Variants in STK3 observed in about 807,000 individuals in gnomAD.
STK3 encodes serine/threonine kinase 3, also known as serine/threonine-protein kinase 3.
A neutral mutation model predicts 58.0 loss-of-function variants in STK3; 41 were observed. The observed-to-expected ratio is 0.71, with a 90% CI of 0.55 to 0.92. STK3 has a LOEUF of 0.92. Among genes scored for constraint, STK3 ranks in the 40% least tolerant of loss-of-function variants. The pLI, the probability that STK3 is intolerant of heterozygous loss-of-function variation, is 0.00. For missense variants in STK3, 479 were observed against 602.7 expected (o/e 0.79, Z 2.15); for synonymous variants, 170 against 191.0 (o/e 0.89, Z 0.91).
chr8:98,874,810 G>T (rs539034736), intron 3 of STK3, among the ~76,000 whole-genome samples: 27 of 150,210 alleles, frequency 1.8e-4, no homozygotes, highest in African/African-American at 6.1e-4. Context: ...TTTTTTTAAA[G>T]ATGGGGTCTC....
chr8:98,359,533 A>AAAAAAAAAG, the STK3 span, among the ~76,000 whole-genome samples: 3 of 142,394 alleles, frequency 2.1e-5, no homozygotes, highest in African/African-American at 7.9e-5. Flanking sequence ...AAAAAAAAAA[A>AAAAAAAAAG]AAAGAAAGAA....
chr8:98,522,564 T>C (rs569179253), intron 10 of STK3, among the ~76,000 whole-genome samples: 5 of 152,154 alleles, frequency 3.3e-5, no homozygotes. Flanking sequence ...AAAAAATGCA[T>C]AACACAAAAT....
At chr8:98,344,209 C>T in the STK3 span, among the ~76,000 whole-genome samples, 4 of 152,192 alleles carry the variant, frequency 2.6e-5, no homozygotes, top group African/African-American at 9.6e-5. Flanking sequence ...AATTGTTTTG[C>T]AAACTATCAT....
the STK3 span, among the ~76,000 whole-genome samples, chr8:98,362,700 G>A: frequency 9.8e-5 from 15 of 152,300 alleles, no homozygotes; most frequent in African/African-American, 3.6e-4. Context: ...CTGCAGCACA[G>A]GCTTAGAAGC....
At chr8:98,537,560 C>CATAT (rs2131539085) in intron 9 of STK3, among the ~76,000 whole-genome samples, 1 of 152,234 alleles carries the variant, frequency 6.6e-6, no homozygotes, top group African/African-American at 2.4e-5. Context: ...TAACCACTGT[C>CATAT]ATATGTGATG....
At chr8:98,874,486 C>T (rs935922342) in intron 3 of STK3, among the ~76,000 whole-genome samples, 3 of 152,102 alleles carry the variant, frequency 2.0e-5, no homozygotes, top group African/African-American at 7.2e-5. Context: ...TTACGGCAGC[C>T]ACAGGAAACT....
chr8:98,516,477 C>T (rs572499456), intron 10 of STK3, among the ~76,000 whole-genome samples: 26 of 151,972 alleles, frequency 1.7e-4, no homozygotes, highest in Admixed American at 7.2e-4. Context: ...AAGAATATAC[C>T]TCTAATTTTA....
intron 4 of STK3, among the ~76,000 whole-genome samples, chr8:98,740,139 G>A (rs913198090): frequency 1.3e-5 from 2 of 152,200 alleles, no homozygotes; most frequent in African/African-American, 4.8e-5. Flanking sequence ...GAAAGTGACG[G>A]GGAGAATGGA....
downstream of STK3, chr8:98,881,693 AAC>A (rs1837799351): frequency 6.6e-6 from 1 of 152,242 alleles, no homozygotes; most frequent in Admixed American, 6.5e-5. Flanking sequence ...TGCTCTAAAA[AAC>A]AGTCTGTTAA....
At chr8:98,581,138 G>A (rs905370712) in intron 7 of STK3, among the ~76,000 whole-genome samples, 2 of 152,192 alleles carry the variant, frequency 1.3e-5, no homozygotes, top group Non-Finnish European at 2.9e-5. Context: ...ATGCGACTAA[G>A]TGAATGCGGG....
intron 2 of STK3, among the ~76,000 whole-genome samples, chr8:98,436,425 CT>C (rs1818492460): frequency 6.6e-6 from 1 of 152,228 alleles, no homozygotes; most frequent in Non-Finnish European, 1.5e-5. Flanking sequence ...GAATTTCCCA[CT>C]TCACTCCAAA....
the STK3 span, among the ~76,000 whole-genome samples, chr8:98,352,062 G>A: frequency 3.3e-5 from 5 of 151,430 alleles, no homozygotes; most frequent in East Asian, 1.9e-4. Flanking sequence ...GTGTGAATCC[G>A]GGAGATGGAG....
chr8:98,790,121 A>G (rs1400910723), intron 1 of STK3, among the ~76,000 whole-genome samples: 1 of 152,028 alleles, frequency 6.6e-6, no homozygotes, highest in African/African-American at 2.4e-5. Flanking sequence ...TGCCAATCCT[A>G]CTGAAACTAT....
At chr8:98,361,298 A>G in the STK3 span, among the ~76,000 whole-genome samples, 2 of 152,190 alleles carry the variant, frequency 1.3e-5, no homozygotes, top group Non-Finnish European at 2.9e-5. Flanking sequence ...AGCTGCAGAA[A>G]AAAAAATGCA....
At chr8:98,760,545 A>G (rs1830554524) in intron 3 of STK3, among the ~76,000 whole-genome samples, 1 of 152,236 alleles carries the variant, frequency 6.6e-6, no homozygotes, top group African/African-American at 2.4e-5. Context: ...ACCAGGAAGC[A>G]GAGGTGAAAT....
Position 98,593,174 on chromosome 8 carries a change from C to T in STK3, c.822+2858G>A, listed in dbSNP as rs117212580. Among the ~76,000 whole-genome samples the T allele has an allele frequency of 4.0e-3, 613 of 152,246 alleles. 4 individuals carry two copies. The highest frequency in any genetic ancestry group is 7.1e-3 in the Non-Finnish European group (484 of 68,026). On this transcript the variant is annotated intron_variant, in intron 7 of 10. Coordinates refer to ENST00000419617, the MANE Select transcript of STK3 (RefSeq NM_006281.4). The stretch of plus-strand genomic sequence containing the variant: ...ACTGAACCTTGTCTTTTAACATCTC[C>T]AGGGTTTTAATTTATCTTTAAAAAC...
intron 1 of STK3, among the ~76,000 whole-genome samples, chr8:98,791,299 C>T (rs1832786673): frequency 6.6e-6 from 1 of 152,176 alleles, no homozygotes; most frequent in Non-Finnish European, 1.5e-5. Context: ...AACTACAAAA[C>T]ACTGCTGAAA....
intron 3 of STK3, among the ~76,000 whole-genome samples, chr8:98,839,883 T>A (rs1669487727): frequency 6.6e-6 from 1 of 152,080 alleles, no homozygotes; most frequent in Admixed American, 6.6e-5. Context: ...AAAAATAGAT[T>A]TTTCTGCCAT....
In STK3 at chr8:98,906,018, G is replaced by A. The variant is rs139317518; in HGVS notation, c.-78-22184C>T. Among the ~76,000 whole-genome samples, 349 of 152,324 alleles carry A rather than the reference G, an allele frequency of 2.3e-3. 1 individual carries two copies. The highest frequency in any genetic ancestry group is 8.1e-3 in the African/African-American group (337 of 41,576). On this transcript the variant is annotated intron_variant, in intron 1 of 1. Coordinates refer to the STK3 transcript ENST00000519420. ...GGTCAAAACTCAGAGATTGGCACACGTGTGGGCTACGGTCTGTTTACACCT... is the reference window on the plus strand; with the variant it reads ...GGTCAAAACTCAGAGATTGGCACACATGTGGGCTACGGTCTGTTTACACCT...
Sources: gnomAD v4.1 joint callset for allele counts (sites outside exome capture counted in the v4.1 genomes callset) on GRCh38, gnomAD v4.1.1 for gene constraint, MANE v1.5 for transcripts, NCBI Gene and HGNC (gene_info 2026-07-23, HGNC 2026-07-21) for gene names.